Variants in KCNH1 observed in about 807,000 individuals in gnomAD.
KCNH1 encodes voltage-gated delayed rectifier potassium channel KCNH1.
Under a neutral mutation model 69.2 loss-of-function variants are expected in KCNH1, and 27 were observed. The observed-to-expected ratio is 0.39, with a 90% CI of 0.29 to 0.54. KCNH1 has a LOEUF of 0.54. Ranked by LOEUF, KCNH1 falls within the 20% of genes least tolerant of loss-of-function variation. The pLI, the probability that KCNH1 is intolerant of heterozygous loss-of-function variation, is 0.68. For synonymous variants in KCNH1, 456 were observed against 487.7 expected, an observed-to-expected ratio of 0.93 and a Z score of 0.86; for missense variants, 798 against 1,261.6, an observed-to-expected ratio of 0.63 and a Z score of 5.57.
chr1:210,798,140 C>T (rs572599380), intron 8 of KCNH1, among the ~76,000 whole-genome samples: 58 of 147,634 alleles, frequency 3.9e-4, no homozygotes, highest in African/African-American at 1.2e-3. Flanking sequence ...CCCAGGTTCA[C>T]GCCATCCTCC....
chr1:210,970,981 G>A (rs1188114227), intron 6 of KCNH1, among the ~76,000 whole-genome samples: 2 of 152,112 alleles, frequency 1.3e-5, no homozygotes, highest in Non-Finnish European at 2.9e-5. Context: ...AAAGTGGGCA[G>A]AGGACATGAA....
intron 9 of KCNH1, among the ~76,000 whole-genome samples, chr1:210,785,711 C>T (rs1413035279): frequency 6.6e-6 from 1 of 152,114 alleles, no homozygotes; most frequent in African/African-American, 2.4e-5. Flanking sequence ...AAGGTGGTTT[C>T]AGCTGCATCA....
intron 7 of KCNH1, among the ~76,000 whole-genome samples, chr1:210,904,195 G>T (rs1387549035): frequency 6.6e-6 from 1 of 152,124 alleles, no homozygotes; most frequent in African/African-American, 2.4e-5. Flanking sequence ...TCAACTGGAG[G>T]ATATTTAAAT....
intron 5 of KCNH1, among the ~76,000 whole-genome samples, chr1:211,076,361 T>A (rs888591633): frequency 2.6e-5 from 4 of 151,992 alleles, no homozygotes; most frequent in Non-Finnish European, 4.4e-5. Flanking sequence ...CACAGGCGGG[T>A]GCCCCTTGGG....
intron 5 of KCNH1, among the ~76,000 whole-genome samples, chr1:211,067,310 A>G (rs1252237164): frequency 6.6e-6 from 1 of 152,226 alleles, no homozygotes; most frequent in Non-Finnish European, 1.5e-5. Context: ...AGGGACTGCA[A>G]TTAGCTGACA....
At chr1:210,995,633 G>A (rs978639345) in intron 6 of KCNH1, among the ~76,000 whole-genome samples, 1 of 152,206 alleles carries the variant, frequency 6.6e-6, no homozygotes, top group South Asian at 2.1e-4. Context: ...GCAGCACCCT[G>A]TCCTCAAGCA....
intron 3 of KCNH1, among the ~76,000 whole-genome samples, chr1:211,096,861 T>C (rs945222848): frequency 3.9e-4 from 60 of 152,190 alleles, no homozygotes; most frequent in African/African-American, 1.3e-3. Context: ...CTACCTACTA[T>C]AGTAATTAAG....
chr1:211,079,132 GT>G (rs1195454427), intron 5 of KCNH1, among the ~76,000 whole-genome samples: 1 of 151,984 alleles, frequency 6.6e-6, no homozygotes, highest in African/African-American at 2.4e-5. Context: ...TGATAAAGGG[GT>G]TATCACCACC....
chr1:210,728,692 G>C (rs1196587360), intron 10 of KCNH1, among the ~76,000 whole-genome samples: 1 of 152,180 alleles, frequency 6.6e-6, no homozygotes, highest in Non-Finnish European at 1.5e-5. Context: ...ACTAAATATT[G>C]ATTAGCAACA....
chr1:210,737,109 T>C (rs1340778834), intron 10 of KCNH1, among the ~76,000 whole-genome samples: 1 of 152,178 alleles, frequency 6.6e-6, no homozygotes, highest in Non-Finnish European at 1.5e-5. Flanking sequence ...TTCAATCTCA[T>C]CATGCCCTAA....
intron 7 of KCNH1, chr1:210,860,416 A>G (rs1183773067): frequency 2.9e-6 from 3 of 1,051,352 alleles, no homozygotes; most frequent in Admixed American, 3.4e-5. Context: ...ATGATCTTCA[A>G]CTACACTAAG....
intron 10 of KCNH1, among the ~76,000 whole-genome samples, chr1:210,719,248 C>G (rs1477117850): frequency 6.6e-6 from 1 of 152,084 alleles, no homozygotes; most frequent in Non-Finnish European, 1.5e-5. Flanking sequence ...TCAGACAGCA[C>G]CAGCTAGCAC....
At chr1:210,798,214 T>A (rs1684359732) in intron 8 of KCNH1, among the ~76,000 whole-genome samples, 1 of 151,960 alleles carries the variant, frequency 6.6e-6, no homozygotes. Flanking sequence ...TAATTTTTTG[T>A]ATTTTTAGTA....
chr1:210,806,825 AAAAAAAAAAAAATATATAT>A (rs1266765663), intron 7 of KCNH1, among the ~76,000 whole-genome samples: 1 of 60,038 alleles, frequency 1.7e-5, no homozygotes, highest in Non-Finnish European at 3.3e-5. Flanking sequence ...AAAAAAAAAA[AAAAAAAAAAAAATATATAT>A]ATATATATAT....
At chr1:210,719,161 T>C (rs1682388042) in intron 10 of KCNH1, among the ~76,000 whole-genome samples, 1 of 152,060 alleles carries the variant, frequency 6.6e-6, no homozygotes, top group African/African-American at 2.4e-5. Context: ...ACATTTCAAG[T>C]GTTCATTAGC....
intron 4 of KCNH1, among the ~76,000 whole-genome samples, chr1:211,088,664 G>C (rs1384234427): frequency 6.6e-6 from 1 of 152,200 alleles, no homozygotes; most frequent in African/African-American, 2.4e-5. Flanking sequence ...TCTACTAGCA[G>C]GATTCCTACA....
intron 6 of KCNH1, among the ~76,000 whole-genome samples, chr1:210,961,429 G>A (rs772534561): frequency 3.3e-5 from 5 of 151,846 alleles, no homozygotes; most frequent in Admixed American, 6.6e-5. Flanking sequence ...AAACCCATTC[G>A]ACATGTTTTT....
intron 7 of KCNH1, among the ~76,000 whole-genome samples, chr1:210,836,249 T>C (rs1472488343): frequency 2.6e-5 from 4 of 152,062 alleles, no homozygotes; most frequent in African/African-American, 9.7e-5. Context: ...AGGGTTTCAA[T>C]GACAGTGAAG....
chr1:210,916,853 A>T (rs990973276), intron 7 of KCNH1, among the ~76,000 whole-genome samples: 25 of 152,014 alleles, frequency 1.6e-4, no homozygotes, highest in African/African-American at 4.8e-4. Flanking sequence ...TTACATTTTT[A>T]AAAAAAGAAA....
Sources: gnomAD v4.1 joint callset for allele counts (sites outside exome capture counted in the v4.1 genomes callset) on GRCh38, gnomAD v4.1.1 for gene constraint, MANE v1.5 for transcripts, NCBI Gene and HGNC (gene_info 2026-07-23, HGNC 2026-07-21) for gene names.